Variants in CADM2 observed in about 807,000 individuals in gnomAD.
The protein encoded by CADM2 is cell adhesion molecule 2.
In CADM2, 12 loss-of-function variants were observed where a neutral mutation model predicts 49.8. The ratio of observed to expected loss-of-function variants is 0.24; its 90% CI spans 0.15 to 0.39. The LOEUF (loss-of-function observed/expected upper bound fraction) is 0.39, where lower values mean the gene tolerates loss of function less well. CADM2 is among the 10% of genes least tolerant of loss of function. The pLI is 1.00. For missense variants in CADM2, 378 were observed against 492.3 expected (o/e 0.77, Z 2.20); for synonymous variants, 214 against 175.4 (o/e 1.22, Z -1.74).
chr3:85,694,979 T>G (rs1466586319), intron 1 of CADM2, among the ~76,000 whole-genome samples: 1 of 152,128 alleles, frequency 6.6e-6, no homozygotes, highest in Non-Finnish European at 1.5e-5. Flanking sequence ...GATAACTAAT[T>G]GGCTCTAAAA....
chr3:85,544,355 G>A (rs1576766171), intron 1 of CADM2, among the ~76,000 whole-genome samples: 1 of 152,138 alleles, frequency 6.6e-6, no homozygotes, highest in African/African-American at 2.4e-5. Context: ...GAGGCGGGCG[G>A]ATCACGAGGT....
chr3:85,182,627 A>G (rs1314274117), intron 1 of CADM2, among the ~76,000 whole-genome samples: 1 of 152,150 alleles, frequency 6.6e-6, no homozygotes, highest in Non-Finnish European at 1.5e-5. Flanking sequence ...TTTAATTTTG[A>G]TAAACATACT....
intron 3 of CADM2, among the ~76,000 whole-genome samples, chr3:85,811,655 G>A (rs1170052373): frequency 6.6e-6 from 1 of 152,164 alleles, no homozygotes; most frequent in Non-Finnish European, 1.5e-5. Context: ...TACAGAATTA[G>A]CACATGGTCA....
chr3:85,555,632 A>G lies in CADM2; in HGVS notation c.62-170890A>G, dbSNP rs138532640. Among the ~76,000 whole-genome samples the G allele has an allele frequency of 4.5e-3, 685 of 152,190 alleles. 7 individuals carry two copies. Among genetic ancestry groups the G allele is most frequent in the African/African-American group, 0.016 (654 of 41,554 alleles). ...ATACTTTTGAATTTTTGTTCAATATATTTCCTAGAAAAAATAATAGTAAAT... is the reference window on the plus strand; with the variant it reads ...ATACTTTTGAATTTTTGTTCAATATGTTTCCTAGAAAAAATAATAGTAAAT... On this transcript the variant is annotated intron_variant, in intron 1 of 9. Coordinates refer to ENST00000383699, the MANE Select transcript of CADM2 (RefSeq NM_001167675.2).
chr3:85,159,810 C>G (rs1468941543), intron 1 of CADM2, among the ~76,000 whole-genome samples: 1 of 152,060 alleles, frequency 6.6e-6, no homozygotes, highest in African/African-American at 2.4e-5. Flanking sequence ...ATACCATTTA[C>G]TGTTTGTAAT....
chr3:85,746,802 T>G (rs888996302), intron 2 of CADM2, among the ~76,000 whole-genome samples: 2 of 152,264 alleles, frequency 1.3e-5, no homozygotes, highest in African/African-American at 2.4e-5. Flanking sequence ...CTTCTACTCA[T>G]TGATTTTTCT....
At chr3:85,138,244 T>C (rs1055176521) in intron 1 of CADM2, among the ~76,000 whole-genome samples, 6 of 152,184 alleles carry the variant, frequency 3.9e-5, no homozygotes, top group Non-Finnish European at 7.3e-5. Context: ...GATACCTTTT[T>C]ATACTTAGTA....
intron 1 of CADM2, among the ~76,000 whole-genome samples, chr3:85,566,148 T>G (rs7629091): frequency 0.51 from 77,847 of 151,964 alleles, 23,020 homozygotes; most frequent in East Asian, 0.85. Flanking sequence ...ATTCTGCAAA[T>G]GGCTAGCAAA....
chr3:85,670,627 T>C (rs1010362149), intron 1 of CADM2, among the ~76,000 whole-genome samples: 4 of 152,142 alleles, frequency 2.6e-5, no homozygotes, highest in Non-Finnish European at 5.9e-5. Flanking sequence ...TATAAATCAA[T>C]AGCAGTAAGA....
At chr3:85,957,623 G>A (rs1286646370) in intron 7 of CADM2, among the ~76,000 whole-genome samples, 3 of 151,730 alleles carry the variant, frequency 2.0e-5, no homozygotes, top group African/African-American at 7.3e-5. Flanking sequence ...ACGTCAGACT[G>A]CAGATTGAGG....
At chr3:85,724,590 G>T (rs920397932) in intron 1 of CADM2, among the ~76,000 whole-genome samples, 2 of 151,876 alleles carry the variant, frequency 1.3e-5, no homozygotes, top group Non-Finnish European at 2.9e-5. Context: ...GAATAAGTTA[G>T]CACTCCGTGT....
At chr3:85,849,548 G>T (rs1424149476) in intron 3 of CADM2, among the ~76,000 whole-genome samples, 1 of 152,116 alleles carries the variant, frequency 6.6e-6, no homozygotes, top group East Asian at 1.9e-4. Context: ...CATCGTGAAT[G>T]TAACACAATT....
At chr3:85,818,362 C>G (rs919745951) in intron 3 of CADM2, among the ~76,000 whole-genome samples, 1 of 152,114 alleles carries the variant, frequency 6.6e-6, no homozygotes, top group Non-Finnish European at 1.5e-5. Context: ...AGGGCTGCCT[C>G]TGAGTCTGTG....
At chr3:85,980,554 T>A (rs1318422531) in intron 8 of CADM2, among the ~76,000 whole-genome samples, 1 of 151,572 alleles carries the variant, frequency 6.6e-6, no homozygotes. Context: ...GAACTTTATT[T>A]AAGCTAAATC....
rs537553709 is a variant in CADM2, at chr3:85,224,344, T to C, written c.61+264676T>C. 3.3e-5 allele frequency among the ~76,000 whole-genome samples: 5 copies of C among 152,364 alleles called. No homozygotes were observed. The East Asian group carries it at 9.6e-4, about 29-fold the overall frequency. ...GAGGTTTTGATGTGCATTTCTCTAA[T>C]GAACAGCGATGATGAGCATTTTTTC... On this transcript the variant is annotated intron_variant, in intron 1 of 9. Transcript: ENST00000383699.
intron 1 of CADM2, among the ~76,000 whole-genome samples, chr3:85,407,617 G>T (rs2035448462): frequency 6.6e-6 from 1 of 152,144 alleles, no homozygotes; most frequent in Non-Finnish European, 1.5e-5. Flanking sequence ...GGGTCATGAT[G>T]TTTAAGTAGT....
At chr3:85,348,110 C>T (rs1257180267) in intron 1 of CADM2, among the ~76,000 whole-genome samples, 1 of 152,036 alleles carries the variant, frequency 6.6e-6, no homozygotes, top group Non-Finnish European at 1.5e-5. Flanking sequence ...TTATTTTATC[C>T]TACATCCTAC....
rs144679096 is a variant in CADM2, at chr3:85,106,685, C to T, written c.61+147017C>T. Among the ~76,000 whole-genome samples the T allele has an allele frequency of 3.4e-3, 520 of 152,130 alleles. 2 individuals carry two copies. Among genetic ancestry groups the T allele is most frequent in the African/African-American group, 0.011 (472 of 41,510 alleles). Reference sequence around the variant, plus strand: ...CCTAGTATTTGGATATTAATTAAAACAAGTACGGGGAAACGTAGCCTTGCC... The same window carrying T: ...CCTAGTATTTGGATATTAATTAAAATAAGTACGGGGAAACGTAGCCTTGCC... On this transcript the variant is annotated intron_variant, in intron 1 of 9. Coordinates refer to ENST00000383699, the MANE Select transcript of CADM2 (RefSeq NM_001167675.2).
chr3:85,327,305 G>A (rs2107133600), intron 1 of CADM2, among the ~76,000 whole-genome samples: 1 of 151,738 alleles, frequency 6.6e-6, no homozygotes, highest in East Asian at 1.9e-4. Context: ...GCCCAGGCTG[G>A]AGTGCAGTGT....
Sources: allele counts gnomAD v4.1 joint callset (sites outside exome capture counted in the v4.1 genomes callset), GRCh38; gene constraint gnomAD v4.1.1; transcripts MANE v1.5; gene names NCBI Gene and HGNC (gene_info 2026-07-23, HGNC 2026-07-21).